Variants in SORCS2 observed in about 807,000 individuals in gnomAD.
The protein encoded by SORCS2 is sortilin related VPS10 domain containing receptor 2.
In SORCS2, 100 loss-of-function variants were observed where a neutral mutation model predicts 141.6. That is an observed-to-expected ratio of 0.71 (90% CI 0.60 to 0.83). The LOEUF is 0.83. Ranked by LOEUF, SORCS2 falls within the 40% of genes least tolerant of loss-of-function variation. The pLI is 0.00. For synonymous variants in SORCS2, 789 were observed against 676.9 expected, an observed-to-expected ratio of 1.17 and a Z score of -2.57; for missense variants, 1,646 against 1,560.2, an observed-to-expected ratio of 1.05 and a Z score of -0.93.
intron 3 of SORCS2, among the ~76,000 whole-genome samples, chr4:7,616,896 C>T (rs759406790): frequency 2.6e-5 from 4 of 152,236 alleles, no homozygotes; most frequent in East Asian, 1.9e-4. Context: ...GCAGACTGCT[C>T]CAGGCTCCCT....
rs1289017152 is a variant in SORCS2, at chr4:7,741,604, G to C, written c.*1340G>C. 1 of 205,782 alleles carries C rather than the reference G, an allele frequency of 4.9e-6. No individual in the cohort carries two copies. Among genetic ancestry groups the C allele is most frequent in the Non-Finnish European group, 9.6e-6 (1 of 104,340 alleles). The allele number at this position is 205,782 out of a possible 1,614,324, so 12.7% of individuals were successfully genotyped here. A position where few individuals can be genotyped will look rare whatever the true frequency, so the allele number is the denominator to read the frequency against. ...GCCCTGGCTGGTGATGTGCTGGCTG[G>C]GGGTGAATCCCAATGAGGGTCCCTC... On this transcript the variant is annotated 3_prime_UTR_variant, in exon 27 of 27. Coordinates refer to ENST00000507866, the MANE Select transcript of SORCS2 (RefSeq NM_020777.3).
chr4:7,376,266 G>A (rs1207822436), intron 1 of SORCS2, among the ~76,000 whole-genome samples: 2 of 110,634 alleles, frequency 1.8e-5, no homozygotes, highest in African/African-American at 7.2e-5. Flanking sequence ...TGGAAAATAT[G>A]CAAAGAGTAA....
At chr4:7,696,288 G>T (rs1414507083) in intron 11 of SORCS2, among the ~76,000 whole-genome samples, 2 of 152,172 alleles carry the variant, frequency 1.3e-5, no homozygotes, top group Non-Finnish European at 2.9e-5. Flanking sequence ...TCATCCTGGA[G>T]ACTTGGACCC....
intron 2 of SORCS2, among the ~76,000 whole-genome samples, chr4:7,511,556 G>T (rs1459914550): frequency 6.6e-6 from 1 of 152,086 alleles, no homozygotes; most frequent in East Asian, 1.9e-4. Flanking sequence ...AGGCCCAGGG[G>T]TTGAAGAGAG....
At chr4:7,709,657 C>T (rs574279369) in intron 14 of SORCS2, among the ~76,000 whole-genome samples, 7 of 152,272 alleles carry the variant, frequency 4.6e-5, no homozygotes, top group African/African-American at 4.8e-5. Flanking sequence ...GCTGCCCTGC[C>T]GGAGAGTTCC....
rs536091060 is a variant in SORCS2, at chr4:7,725,716, G to A, written c.2745+429G>A. ...AGGCCTGGGTTGTACCCTGTCTGCA[G>A]TGGGGAGCCACAGATAGTTCTTGAG... On this transcript the variant is annotated intron_variant, in intron 20 of 26. Transcript: ENST00000507866. 1.5e-4 allele frequency among the ~76,000 whole-genome samples: 23 copies of A among 152,322 alleles called. No individual in the cohort carries two copies. In the South Asian group the frequency reaches 4.1e-3, roughly 27 times the overall value.
At chr4:7,334,337 G>C (rs532623844) in intron 1 of SORCS2, among the ~76,000 whole-genome samples, 2 of 151,750 alleles carry the variant, frequency 1.3e-5, no homozygotes, top group African/African-American at 4.8e-5. Context: ...GGCACCTGGC[G>C]CTCCCCTACA....
At chr4:7,469,214 T>A (rs143513012) in intron 2 of SORCS2, among the ~76,000 whole-genome samples, 595 of 152,098 alleles carry the variant, frequency 3.9e-3, no homozygotes, top group Middle Eastern at 0.01. Flanking sequence ...GTGATGATGC[T>A]GTTGATGGCG....
chr4:7,637,402 C>T (rs144177068), intron 3 of SORCS2, among the ~76,000 whole-genome samples: 58 of 152,336 alleles, frequency 3.8e-4, no homozygotes, highest in African/African-American at 1.3e-3. Flanking sequence ...TCTCCCCGTC[C>T]GTCCCTGGTC....
chr4:7,668,268 G>A (rs1390882023), intron 8 of SORCS2, among the ~76,000 whole-genome samples: 9 of 152,290 alleles, frequency 5.9e-5, no homozygotes, highest in East Asian at 3.9e-4. Flanking sequence ...GATGGAGGGC[G>A]TGTGTATGAG....
At chr4:7,566,052 G>GTGA (rs1274164847) in intron 3 of SORCS2, among the ~76,000 whole-genome samples, 1 of 145,246 alleles carries the variant, frequency 6.9e-6, no homozygotes, top group South Asian at 2.3e-4. Context: ...GATGGCGATG[G>GTGA]TGATGATGAT....
chr4:7,308,438 T>G (rs2108914857), intron 1 of SORCS2, among the ~76,000 whole-genome samples: 1 of 152,256 alleles, frequency 6.6e-6, no homozygotes, highest in Middle Eastern at 3.4e-3. Context: ...GGCTCCGTAT[T>G]TGGGGTGGAC....
chr4:7,388,733 G>A (rs1448501826), intron 1 of SORCS2, among the ~76,000 whole-genome samples: 1 of 152,154 alleles, frequency 6.6e-6, no homozygotes, highest in East Asian at 1.9e-4. Flanking sequence ...GCTTGTGAAC[G>A]TAAGAGTGGG....
chr4:7,473,757 G>T (rs1031800955), intron 2 of SORCS2, among the ~76,000 whole-genome samples: 3 of 152,154 alleles, frequency 2.0e-5, no homozygotes, highest in Non-Finnish European at 4.4e-5. Flanking sequence ...GGAGGTGGGA[G>T]GGTGGGCGCG....
chr4:7,732,798 C>A (rs780618543), intron 23 of SORCS2, among the ~76,000 whole-genome samples: 1 of 152,166 alleles, frequency 6.6e-6, no homozygotes, highest in Non-Finnish European at 1.5e-5. Context: ...TCTCGGTCGC[C>A]TTTGTGTCCC....
rs556796126 is a variant in SORCS2 at position 7,510,752 on chromosome 4, C to T, written c.549-20778C>T. ...GGCCTGGGCACGTGCTGTTCGCCTT[C>T]CCAGATACCCGCATGGACCGACGCT... On this transcript the variant is annotated intron_variant, in intron 2 of 26. Transcript: ENST00000507866. Among the ~76,000 whole-genome samples the T allele has an allele frequency of 2.0e-5, 3 of 152,394 alleles. No homozygotes were observed. The South Asian group carries it at 6.2e-4, about 32-fold the overall frequency.
rs1460973081 is a variant in SORCS2 at position 7,741,402 on chromosome 4, T to C, written c.*1138T>C. The C allele has an allele frequency of 2.7e-6, 1 of 367,062 alleles. No individual in the cohort carries two copies. Among genetic ancestry groups the C allele is most frequent in the Admixed American group, 4.7e-5 (1 of 21,138 alleles). 22.7% of individuals were successfully genotyped at this position (367,062 alleles called of 1,614,324 possible). ...CTGTGCGGTCTCCACACCCTTACGG[T>C]TTCCTAGAATCAGGGATGTTAGTGT... is the stretch of plus-strand genomic sequence containing the variant. On this transcript the variant is annotated 3_prime_UTR_variant, in exon 27 of 27. Transcript: ENST00000507866.
intron 2 of SORCS2, among the ~76,000 whole-genome samples, chr4:7,420,960 T>C (rs546476964): frequency 2.0e-5 from 3 of 152,198 alleles, no homozygotes; most frequent in African/African-American, 7.2e-5. Context: ...GGGTGCCCAG[T>C]GCCCCACTCA....
chr4:7,676,637 C>G (rs1723130930), intron 9 of SORCS2, among the ~76,000 whole-genome samples: 3 of 150,032 alleles, frequency 2.0e-5, no homozygotes, highest in South Asian at 4.2e-4. Flanking sequence ...CCCCATCTCT[C>G]TCCCTCTCTC....
Sources: gnomAD v4.1 joint callset for allele counts (sites outside exome capture counted in the v4.1 genomes callset) on GRCh38, gnomAD v4.1.1 for gene constraint, MANE v1.5 for transcripts, NCBI Gene and HGNC (gene_info 2026-07-23, HGNC 2026-07-21) for gene names.